The following ST6GAL1 variants were observed in gnomAD, a reference collection of about 807,000 sequenced individuals.
ST6GAL1 encodes beta-galactoside alpha-2,6-sialyltransferase 1.
A neutral mutation model predicts 38.0 loss-of-function variants in ST6GAL1; 20 were observed. The observed-to-expected ratio is 0.53, with a 90% CI of 0.37 to 0.77. The LOEUF is 0.77. ST6GAL1 is among the 30% of genes least tolerant of loss of function. The pLI is 0.00. For synonymous variants in ST6GAL1, 196 were observed against 188.2 expected (o/e 1.04, Z -0.34); for missense variants, 432 against 496.4 (o/e 0.87, Z 1.23).
chr3:186,955,619 C>T (rs1417625785), intron 1 of ST6GAL1, among the ~76,000 whole-genome samples: 1 of 152,120 alleles, frequency 6.6e-6, no homozygotes, highest in Non-Finnish European at 1.5e-5. Flanking sequence ...TCTCTTGCCT[C>T]AGCCTCCTGA....
rs192611052 is a variant in ST6GAL1 at position 187,074,208 on chromosome 3, G to T, written c.854G>T (p.Arg285Leu). The change falls in exon 7 of 8, where the codon CGT becomes CTT. Residue 285 changes from arginine (R) to leucine (L), a missense_variant. Coordinates refer to ENST00000169298, the MANE Select transcript of ST6GAL1 (RefSeq NM_173216.2). ...YNFFNNYKTY[R>L]KLHPNQPFYI... Reference sequence around the variant, plus strand: ...TTCTTTAACAACTACAAGACTTATCGTAAGCTGCACCCCAATCAGCCCTTT... The same window carrying T: ...TTCTTTAACAACTACAAGACTTATCTTAAGCTGCACCCCAATCAGCCCTTT... The T allele has an allele frequency of 2.0e-4, 329 of 1,612,454 alleles. 2 individuals are homozygous for T. In the East Asian group the frequency reaches 7.2e-3, roughly 35 times the overall value.
chr3:186,994,243 T>G (rs922916794), intron 2 of ST6GAL1, among the ~76,000 whole-genome samples: 1 of 152,200 alleles, frequency 6.6e-6, no homozygotes, highest in Non-Finnish European at 1.5e-5. Context: ...AGCCCACAAG[T>G]GCAGGTGGGG....
chr3:187,053,660 A>C (rs1238879282), intron 5 of ST6GAL1, among the ~76,000 whole-genome samples: 1 of 152,038 alleles, frequency 6.6e-6, no homozygotes, highest in Non-Finnish European at 1.5e-5. Context: ...TCGTCTATAT[A>C]TCTGTTTTGG....
At chr3:187,073,880 T>C (rs1719470183) in intron 6 of ST6GAL1, 1 of 302,278 alleles carries the variant, frequency 3.3e-6, no homozygotes, top group South Asian at 1.2e-4. Flanking sequence ...GCTCTGAGAG[T>C]GTTCCCGGAC....
intron 1 of ST6GAL1, among the ~76,000 whole-genome samples, chr3:186,937,641 A>T (rs1714009104): frequency 6.6e-6 from 1 of 152,028 alleles, no homozygotes; most frequent in South Asian, 2.1e-4. Context: ...GTAACAAGAG[A>T]TTAGTGCAGG....
At chr3:187,066,595 TGCGTGC>T (rs1719142668) in intron 5 of ST6GAL1, among the ~76,000 whole-genome samples, 1 of 104,586 alleles carries the variant, frequency 9.6e-6, no homozygotes, top group Admixed American at 9.9e-5. Flanking sequence ...AAGATGTGCG[TGCGTGC>T]GTGTGTGTGT....
At chr3:187,070,686 G>A (rs1300141483) in intron 5 of ST6GAL1, among the ~76,000 whole-genome samples, 1 of 152,006 alleles carries the variant, frequency 6.6e-6, no homozygotes, top group Admixed American at 6.5e-5. Flanking sequence ...GCCTCCCAAA[G>A]TGCTGGGATT....
rs1440841272 is a variant in ST6GAL1, at chr3:187,050,557, A to AGG, written c.608-691_608-690insGG. Among the ~76,000 whole-genome samples the AGG allele has an allele frequency of 8.1e-4, 116 of 142,952 alleles. No individual in the cohort carries two copies. The South Asian group carries it at 0.025, about 31-fold the overall frequency. The allele number at this position is 142,952 out of a possible 152,430, so 93.8% of individuals were successfully genotyped here. A position where few individuals can be genotyped will look rare whatever the true frequency, so the allele number is the denominator to read the frequency against. On this transcript the variant is annotated intron_variant, in intron 4 of 7. Coordinates refer to ENST00000169298, the MANE Select transcript of ST6GAL1 (RefSeq NM_173216.2). ...GAAAGAGAGAGAGAGAGAGAGAGAG[A>AGG]GAGGGAGGGAGGGAAGGAAGGAGGG...
intron 1 of ST6GAL1, among the ~76,000 whole-genome samples, chr3:186,950,825 G>T (rs566943682): frequency 7.9e-5 from 12 of 152,334 alleles, no homozygotes; most frequent in African/African-American, 2.9e-4. Context: ...GAATCATTTG[G>T]ATGAGATAAA....
At position 187,002,245 on chromosome 3, in the gene ST6GAL1, A is replaced by T. The variant is rs181870533; in HGVS notation, c.-182-36497A>T. On this transcript the variant is annotated intron_variant, in intron 2 of 7. Transcript: ENST00000169298. ...CCACAAAGAAGGGATGATATTTCAT[A>T]TACTTATTAGTTTAGTGATTTCCCT... Among the ~76,000 whole-genome samples the T allele has an allele frequency of 7.2e-5, 11 of 152,310 alleles. No homozygotes were observed. The East Asian group carries it at 2.1e-3, about 29-fold the overall frequency.
chr3:187,072,954 G>T lies in ST6GAL1; in HGVS notation c.804+7G>T. 3 of 1,603,690 alleles carry T rather than the reference G, an allele frequency of 1.9e-6. No homozygotes were observed. In the South Asian group the frequency reaches 3.3e-5, roughly 18 times the overall value. Reference sequence around the variant, plus strand: ...CCACTCAGATATCCCAAAGGTAAGTGGGTGTCCGTGGGAAATAGGGGTTGA... The same window carrying T: ...CCACTCAGATATCCCAAAGGTAAGTTGGTGTCCGTGGGAAATAGGGGTTGA... On this transcript the variant is annotated splice_region_variant and intron_variant, in intron 6 of 7. Transcript: ENST00000169298.
At chr3:186,994,696 A>G (rs552561368) in intron 2 of ST6GAL1, among the ~76,000 whole-genome samples, 3 of 152,266 alleles carry the variant, frequency 2.0e-5, no homozygotes, top group African/African-American at 7.2e-5. Context: ...AGTGACTCAC[A>G]CCTGTAATCT....
intron 2 of ST6GAL1, among the ~76,000 whole-genome samples, chr3:187,020,510 G>A (rs1351443076): frequency 2.0e-5 from 3 of 152,174 alleles, no homozygotes; most frequent in African/African-American, 4.8e-5. Context: ...GCAGCATCCG[G>A]TGATGCCTTT....
intron 5 of ST6GAL1, among the ~76,000 whole-genome samples, chr3:187,066,505 G>A (rs1719137656): frequency 6.6e-6 from 1 of 151,936 alleles, no homozygotes; most frequent in South Asian, 2.1e-4. Context: ...GAATTCTGGG[G>A]GCACACAATT....
chr3:187,052,750 A>G (rs1299124465), intron 5 of ST6GAL1, among the ~76,000 whole-genome samples: 1 of 152,232 alleles, frequency 6.6e-6, no homozygotes, highest in East Asian at 1.9e-4. Flanking sequence ...TACTGCCACA[A>G]TAAGCATACG....
chr3:187,040,886 T>C (rs1718103122), intron 3 of ST6GAL1, among the ~76,000 whole-genome samples: 1 of 152,204 alleles, frequency 6.6e-6, no homozygotes, highest in African/African-American at 2.4e-5. Flanking sequence ...TCCTGAGGTC[T>C]GGGATGGTGG....
At chr3:186,987,198 G>GGGAA (rs1369724820) in intron 2 of ST6GAL1, among the ~76,000 whole-genome samples, 24 of 126,936 alleles carry the variant, frequency 1.9e-4, no homozygotes, top group Middle Eastern at 3.7e-3. Context: ...GAGGGAGGGA[G>GGGAA]GGAAGGAAAG....
At chr3:187,031,950 A>G (rs1042741579) in intron 2 of ST6GAL1, among the ~76,000 whole-genome samples, 1 of 152,216 alleles carries the variant, frequency 6.6e-6, no homozygotes, top group African/African-American at 2.4e-5. Flanking sequence ...AGCTATAGTC[A>G]GTGCTTGGCA....
chr3:187,037,356 G>A (rs867606424), intron 2 of ST6GAL1, among the ~76,000 whole-genome samples: 14 of 151,938 alleles, frequency 9.2e-5, no homozygotes, highest in African/African-American at 3.4e-4. Flanking sequence ...TTTTTATTTT[G>A]TGATTAGTCT....
Sources: gnomAD v4.1 joint callset for allele counts (sites outside exome capture counted in the v4.1 genomes callset) on GRCh38, gnomAD v4.1.1 for gene constraint, MANE v1.5 for transcripts, NCBI Gene and HGNC (gene_info 2026-07-23, HGNC 2026-07-21) for gene names.